The following PTPRZ1 variants were observed in gnomAD, a reference collection of about 807,000 sequenced individuals.
The protein encoded by PTPRZ1 is receptor-type tyrosine-protein phosphatase zeta.
PTPRZ1 carries 82 observed loss-of-function variants against 214.1 expected under a neutral mutation model. The observed-to-expected ratio is 0.38, with a 90% CI of 0.32 to 0.46. The LOEUF (loss-of-function observed/expected upper bound fraction) is 0.46. Ranked by LOEUF, PTPRZ1 falls within the 20% of genes least tolerant of loss-of-function variation. The pLI, the probability that PTPRZ1 is intolerant of heterozygous loss-of-function variation, is 1.00. For synonymous variants in PTPRZ1, 945 were observed against 987.9 expected (o/e 0.96, Z 0.81); for missense variants, 2,603 against 2,748.7 (o/e 0.95, Z 1.19).
chr7:122,025,775 G>A (rs1162802043), intron 13 of PTPRZ1, among the ~76,000 whole-genome samples: 2 of 152,210 alleles, frequency 1.3e-5, no homozygotes, highest in African/African-American at 4.8e-5. Context: ...AAAGAAGGCA[G>A]TGTTTGTCTG....
At chr7:122,050,547 C>A (rs571113921) in intron 23 of PTPRZ1, among the ~76,000 whole-genome samples, 1 of 149,826 alleles carries the variant, frequency 6.7e-6, no homozygotes, top group African/African-American at 2.5e-5. Flanking sequence ...GGACTTCTTA[C>A]GTAAAATGAT....
chr7:121,999,485 A>G (rs1256551603), intron 10 of PTPRZ1, among the ~76,000 whole-genome samples: 1 of 152,176 alleles, frequency 6.6e-6, no homozygotes, highest in Non-Finnish European at 1.5e-5. Context: ...ATGTGAATTG[A>G]TTGAAATATG....
Position 122,013,661 on chromosome 7 carries a change from G to GCAGAA in PTPRZ1, c.4617_4618insGAACA (p.Trp1540GlufsTer6). 1 of 1,614,204 alleles carries GCAGAA rather than the reference G, an allele frequency of 6.2e-7. No homozygotes were observed. Among genetic ancestry groups the GCAGAA allele is most frequent in the Non-Finnish European group, 8.5e-7 (1 of 1,180,026 alleles). On this transcript the variant is annotated frameshift_variant, in exon 12 of 30. Coordinates refer to ENST00000393386, the MANE Select transcript of PTPRZ1 (RefSeq NM_002851.3). LOFTEE classifies it high-confidence loss of function. ...GCTTCCTCTCAGCCCTGAATCTAAAGCATGGGCAGTTCTGACAAGTGATGA... is the reference window on the plus strand; with the variant it reads ...GCTTCCTCTCAGCCCTGAATCTAAAGCAGAACATGGGCAGTTCTGACAAGTGATGA...
At position 121,873,413 on chromosome 7, in the gene PTPRZ1, C is replaced by A. The variant is rs1009136698; in HGVS notation, c.-87C>A. 5.1e-6 allele frequency: 7 copies of A among 1,383,248 alleles called. No individual in the cohort carries two copies. The highest frequency in any genetic ancestry group is 2.9e-5 in the African/African-American group (2 of 69,008). 85.7% of individuals were successfully genotyped at this position (1,383,248 alleles called of 1,614,324 possible). A position where few individuals can be genotyped will look rare whatever the true frequency, so the allele number is the denominator to read the frequency against. Reference sequence around the variant, plus strand: ...ACACTGGAGGATTAAAACAAACAAACAAAAAAAACATTTCCTTCGCTCCCC... The same window carrying A: ...ACACTGGAGGATTAAAACAAACAAAAAAAAAAAACATTTCCTTCGCTCCCC... On this transcript the variant is annotated 5_prime_UTR_variant, in exon 1 of 30. Transcript: ENST00000393386.
At chr7:122,058,746 C>T in intron 27 of PTPRZ1, 54 bp from the exon 28 acceptor site, 1 of 1,479,904 alleles carries the variant, frequency 6.8e-7, no homozygotes, top group Non-Finnish European at 9.3e-7. Flanking sequence ...CTCAATGATT[C>T]CACTCCTGGT....
At chr7:121,970,130 C>A (rs1383771551) in intron 3 of PTPRZ1, among the ~76,000 whole-genome samples, 4 of 152,142 alleles carry the variant, frequency 2.6e-5, no homozygotes, top group African/African-American at 9.6e-5. Context: ...AGGACATGAA[C>A]TCATCATTTT....
intron 10 of PTPRZ1, among the ~76,000 whole-genome samples, chr7:122,001,645 G>C (rs1798328359): frequency 6.6e-6 from 1 of 152,088 alleles, no homozygotes; most frequent in Non-Finnish European, 1.5e-5. Context: ...TGTGAAACTT[G>C]GCTTATCTTC....
chr7:121,940,098 T>C (rs1021015964), intron 2 of PTPRZ1, among the ~76,000 whole-genome samples: 1 of 152,212 alleles, frequency 6.6e-6, no homozygotes, highest in Admixed American at 6.5e-5. Context: ...ACAAGCTTCT[T>C]GGGGCCCACT....
chr7:121,948,148 T>G (rs1261086618), intron 2 of PTPRZ1, among the ~76,000 whole-genome samples: 3 of 152,164 alleles, frequency 2.0e-5, no homozygotes, highest in Non-Finnish European at 4.4e-5. Context: ...ATTTATTCAT[T>G]CAATACTAAC....
intron 1 of PTPRZ1, among the ~76,000 whole-genome samples, chr7:121,886,240 G>A (rs1339361917): frequency 2.0e-5 from 3 of 152,112 alleles, no homozygotes; most frequent in Non-Finnish European, 4.4e-5. Flanking sequence ...AAGTTTCAGT[G>A]AGAAAATATT....
rs182358486 is a variant in PTPRZ1, at chr7:121,953,841, C to A, written c.125-14110C>A. ...CCCCTTCTTCCCAGCCACCCACCAT[C>A]TGAACCTAATGCATCATTGTACAAT... On this transcript the variant is annotated intron_variant, in intron 2 of 29. Coordinates refer to ENST00000393386, the MANE Select transcript of PTPRZ1 (RefSeq NM_002851.3). Among the ~76,000 whole-genome samples the A allele has an allele frequency of 4.3e-4, 65 of 152,224 alleles. No individual in the cohort carries two copies. The East Asian group carries it at 0.011, about 26-fold the overall frequency.
At chr7:122,044,345 G>A (rs1562879461) in intron 22 of PTPRZ1, 77 bp from the exon 23 acceptor site, 1 of 1,530,674 alleles carries the variant, frequency 6.5e-7, no homozygotes, top group Non-Finnish European at 8.9e-7. Context: ...GTCTGTCAAT[G>A]GAAGGTACTA....
At chr7:121,991,484 A>G (rs1256482456) in intron 8 of PTPRZ1, among the ~76,000 whole-genome samples, 2 of 152,360 alleles carry the variant, frequency 1.3e-5, no homozygotes, top group Middle Eastern at 3.4e-3. Flanking sequence ...TCTTTGTAGC[A>G]TAATATTTTG....
At chr7:121,883,152 A>G (rs1161655246) in intron 1 of PTPRZ1, among the ~76,000 whole-genome samples, 1 of 152,234 alleles carries the variant, frequency 6.6e-6, no homozygotes, top group Non-Finnish European at 1.5e-5. Context: ...TTGTTAAGAC[A>G]AGGCAGTAAT....
intron 1 of PTPRZ1, among the ~76,000 whole-genome samples, chr7:121,898,489 G>A (rs1441643957): frequency 6.6e-6 from 1 of 152,042 alleles, no homozygotes; most frequent in Admixed American, 6.6e-5. Flanking sequence ...TATTCAAATT[G>A]TATTTTCTAG....
rs192564643 is a variant in PTPRZ1, at chr7:122,045,840, A to T, written c.6084+1272A>T. On this transcript the variant is annotated intron_variant, in intron 23 of 29. Coordinates refer to ENST00000393386, the MANE Select transcript of PTPRZ1 (RefSeq NM_002851.3). ...TGAAAATATTAACTATAAGGTCAGA[A>T]TTCAATTGAAAAGAGAGATATTTTA... Among the ~76,000 whole-genome samples the T allele has an allele frequency of 2.3e-3, 356 of 152,244 alleles. 1 individual carries two copies. The highest frequency in any genetic ancestry group is 7.8e-3 in the African/African-American group (324 of 41,556).
At position 122,040,935 on chromosome 7, in the gene PTPRZ1, C is replaced by G; in HGVS notation, c.5757C>G (p.Ala1919=). 1 of 1,598,538 alleles carries G rather than the reference C, an allele frequency of 6.3e-7. No individual in the cohort carries two copies. The highest frequency in any genetic ancestry group is 1.1e-5 in the South Asian group (1 of 89,984). The change falls in exon 21 of 30, where the codon GCC becomes GCG. Residue 1919 remains alanine (A), a synonymous_variant. Transcript: ENST00000393386. ...TGCTGACCTTTGTGAGAAAGGCAGC[C>G]TATGCCAAGCGCCATGCAGTGGGGC... is the stretch of plus-strand genomic sequence containing the variant. The part of the protein sequence containing the change: ...LPVLTFVRKA[A]YAKRHAVGPV...
At chr7:122,048,278 C>T (rs1792061275) in intron 23 of PTPRZ1, among the ~76,000 whole-genome samples, 1 of 151,868 alleles carries the variant, frequency 6.6e-6, no homozygotes, top group Non-Finnish European at 1.5e-5. Flanking sequence ...AATGCAGGTT[C>T]TATCAAAAGA....
At chr7:121,914,085 G>T (rs1049633760) in intron 1 of PTPRZ1, among the ~76,000 whole-genome samples, 1 of 152,120 alleles carries the variant, frequency 6.6e-6, no homozygotes, top group African/African-American at 2.4e-5. Flanking sequence ...AGGCCGAGGC[G>T]AGCAGATCCC....
Sources: gnomAD v4.1 joint callset for allele counts (sites outside exome capture counted in the v4.1 genomes callset) on GRCh38, gnomAD v4.1.1 for gene constraint, MANE v1.5 for transcripts, NCBI Gene and HGNC (gene_info 2026-07-23, HGNC 2026-07-21) for gene names.